Variants in KMT2C observed in about 807,000 individuals in gnomAD.
The protein encoded by KMT2C is histone-lysine N-methyltransferase 2C.
Under a neutral mutation model 507.9 loss-of-function variants are expected in KMT2C, and 88 were observed. The ratio of observed to expected loss-of-function variants is 0.17; its 90% CI spans 0.15 to 0.21. The LOEUF is 0.21. Ranked by LOEUF, KMT2C falls within the 10% of genes least tolerant of loss-of-function variation. The probability of loss-of-function intolerance (pLI) is 1.00; values close to 1 mark genes in which losing one functional copy is unlikely to be tolerated. For missense variants in KMT2C, 4,954 were observed against 5,957.8 expected (o/e 0.83, Z 5.55); for synonymous variants, 2,049 against 2,080.8 (o/e 0.98, Z 0.42).
intron 31 of KMT2C, among the ~76,000 whole-genome samples, chr7:152,190,704 A>G (rs1270141376): frequency 3.3e-5 from 5 of 152,128 alleles, no homozygotes; most frequent in African/African-American, 1.2e-4. Flanking sequence ...CTCTATCTCA[A>G]TCTTGAAAAT....
chr7:152,209,969 G>A (rs538093775), intron 23 of KMT2C, among the ~76,000 whole-genome samples: 1 of 152,082 alleles, frequency 6.6e-6, no homozygotes, highest in Non-Finnish European at 1.5e-5. Context: ...CTGCTTCCTA[G>A]GTTTACACAC....
At position 152,434,502 on chromosome 7, in the gene KMT2C, A is replaced by C. The variant is rs538587662; in HGVS notation, c.161+1124T>G. ...ACTATTACTAAGTGAATGCACCCGA[A>C]CCAAAGAAACAGCCTATCCATAAAC... On this transcript the variant is annotated intron_variant, in intron 1 of 58. Transcript: ENST00000262189. 2.2e-4 allele frequency among the ~76,000 whole-genome samples: 34 copies of C among 152,270 alleles called. No homozygotes were observed. The South Asian group carries it at 7.0e-3, about 32-fold the overall frequency.
At chr7:152,153,335 G>A (rs1319177592) in intron 48 of KMT2C, among the ~76,000 whole-genome samples, 2 of 152,136 alleles carry the variant, frequency 1.3e-5, no homozygotes, top group Non-Finnish European at 2.9e-5. Flanking sequence ...TCTTGCTACT[G>A]CTGTATTTTG....
At position 152,296,996 on chromosome 7, in the gene KMT2C, A is replaced by AG. The variant is rs1491182034; in HGVS notation, c.849+12969_849+12970insC. On this transcript the variant is annotated intron_variant, in intron 6 of 58. Transcript: ENST00000262189. ...CACCACTAAAAAGAAAGAAAGAAAG[A>AG]AAAAGAAAGAAAGAAAGAAAGAAAG... is the stretch of plus-strand genomic sequence containing the variant. 6.4e-3 allele frequency among the ~76,000 whole-genome samples: 446 copies of AG among 69,354 alleles called. 3 individuals are homozygous for AG. The highest frequency in any genetic ancestry group is 0.021 in the African/African-American group (429 of 20,392). The allele number at this position is 69,354 out of a possible 152,430, so 45.5% of individuals were successfully genotyped here. A position where few individuals can be genotyped will look rare whatever the true frequency, so the allele number is the denominator to read the frequency against.
rs371837086 is a variant in KMT2C, at chr7:152,162,832, T to G, written c.10745A>C (p.Tyr3582Ser). ...AATGAGCGATTGGGTTGATCCCGGA[T>G]AACTGTGTCCATGGGTTATAGTAGA... ...QDSTITHGHS[Y>S]PGSTQSLIQL... The change falls in exon 43 of 59, where the codon TAT becomes TCT. Residue 3582 changes from tyrosine to serine, a missense_variant. Coordinates refer to ENST00000262189, the MANE Select transcript of KMT2C (RefSeq NM_170606.3). The G allele has an allele frequency of 3.7e-6, 6 of 1,614,100 alleles. No individual in the cohort carries two copies. In the African/African-American group the frequency reaches 8.0e-5, roughly 22 times the overall value.
chr7:152,359,377 T>C (rs1354754217), intron 1 of KMT2C, among the ~76,000 whole-genome samples: 2 of 149,832 alleles, frequency 1.3e-5, no homozygotes, highest in Non-Finnish European at 3.0e-5. Context: ...TAATAACACA[T>C]AAGAGCAACA....
At chr7:152,195,534 G>C (rs2093936531) in intron 28 of KMT2C, 1 of 985,020 alleles carries the variant, frequency 1.0e-6, no homozygotes, top group Non-Finnish European at 1.2e-6. Context: ...AATGGAAAAG[G>C]TGAGCTCTCA....
intron 9 of KMT2C, among the ~76,000 whole-genome samples, chr7:152,253,514 C>CAAAAAAAAAAAAAAAAAAAAAA (rs71198770): frequency 2.5e-5 from 1 of 39,514 alleles, no homozygotes; most frequent in African/African-American, 7.8e-5. Context: ...TCTTTCTCTA[C>CAAAAAAAAAAAAAAAAAAAAAA]AAAAAAAAAA....
At chr7:152,313,598 A>T (rs1378085943) in intron 4 of KMT2C, among the ~76,000 whole-genome samples, 1 of 151,584 alleles carries the variant, frequency 6.6e-6, no homozygotes, top group South Asian at 2.1e-4. Context: ...GAGCAAAGAC[A>T]TTTTCAAAAC....
intron 9 of KMT2C, among the ~76,000 whole-genome samples, chr7:152,255,157 A>ATATATATATATATATATATG (rs767823858): frequency 1.6e-5 from 2 of 128,376 alleles, no homozygotes; most frequent in Non-Finnish European, 1.6e-5. Flanking sequence ...ATATATATAT[A>ATATATATATATATATATATG]TGTGTGTGTG....
At chr7:152,137,777 G>T (rs565412754) in intron 58 of KMT2C, 2 of 152,334 alleles carry the variant, frequency 1.3e-5, no homozygotes, top group South Asian at 4.1e-4. Context: ...AAGTAGGAAG[G>T]AGGCAGGTGG....
intron 2 of KMT2C, among the ~76,000 whole-genome samples, chr7:152,338,630 A>C (rs1377919078): frequency 6.6e-6 from 1 of 152,156 alleles, no homozygotes; most frequent in Non-Finnish European, 1.5e-5. Flanking sequence ...TCTTCATTCA[A>C]AAGATAAGGA....
At chr7:152,409,608 G>A (rs959156544) in intron 1 of KMT2C, among the ~76,000 whole-genome samples, 2 of 151,342 alleles carry the variant, frequency 1.3e-5, no homozygotes, top group African/African-American at 4.9e-5. Context: ...GCGGGCGCCT[G>A]TAGTCCCAGC....
At position 152,252,599 on chromosome 7, in the gene KMT2C, C is replaced by A. The variant is rs1588609413; in HGVS notation, c.1416G>T (p.Lys472Asn). 1 of 1,613,620 alleles carries A rather than the reference C, an allele frequency of 6.2e-7. No homozygotes were observed. The highest frequency in any genetic ancestry group is 8.5e-7 in the Non-Finnish European group (1 of 1,179,686). ...QQDNLCPFCG[K>N]CYHPELQKDM... ...CTTTCTGCAATTCTGGATGATAACA[C>A]TTCCCACAGAAGGGACATAAGTTAT... Residue 472 changes from lysine (K) to asparagine (N), a missense_variant, in exon 10 of 59, where the codon AAG becomes AAT. Around this residue, in one of 29 missense-constraint regions of KMT2C, gnomAD observed 376 missense variants for 352.4 expected, o/e 1.07. Transcript: ENST00000262189.
At chr7:152,378,308 C>T (rs2097344561) in intron 1 of KMT2C, among the ~76,000 whole-genome samples, 1 of 152,136 alleles carries the variant, frequency 6.6e-6, no homozygotes, top group Non-Finnish European at 1.5e-5. Context: ...TCATTGTTGT[C>T]TTATTGTAAG....
At chr7:152,319,188 A>AC (rs1446236404) in intron 3 of KMT2C, among the ~76,000 whole-genome samples, 2 of 152,194 alleles carry the variant, frequency 1.3e-5, no homozygotes, top group Non-Finnish European at 2.9e-5. Flanking sequence ...GAGGCAAGAG[A>AC]CCAAGGGCAC....
intron 9 of KMT2C, among the ~76,000 whole-genome samples, chr7:152,260,524 T>C (rs1434238706): frequency 6.6e-6 from 1 of 152,072 alleles, no homozygotes; most frequent in Non-Finnish European, 1.5e-5. Flanking sequence ...GGATGGGGAC[T>C]CACACATCTC....
intron 1 of KMT2C, among the ~76,000 whole-genome samples, chr7:152,411,385 C>T (rs1379246133): frequency 6.6e-6 from 1 of 151,984 alleles, no homozygotes; most frequent in Non-Finnish European, 1.5e-5. Context: ...CATGGCAGGG[C>T]CCACACAAGA....
At position 152,290,282 on chromosome 7, in the gene KMT2C, A is replaced by T. The variant is rs1365958309; in HGVS notation, c.850-16415T>A. 6.1e-5 allele frequency among the ~76,000 whole-genome samples: 2 copies of T among 32,908 alleles called. 1 individual carries two copies. Among genetic ancestry groups the T allele is most frequent in the African/African-American group, 2.7e-4 (2 of 7,378 alleles). The allele number at this position is 32,908 out of a possible 152,430, so 21.6% of individuals were successfully genotyped here. A position where few individuals can be genotyped will look rare whatever the true frequency, so the allele number is the denominator to read the frequency against. On this transcript the variant is annotated intron_variant, in intron 6 of 58. Transcript: ENST00000262189. ...TGTATATATATATATATATATATATATATATATATATATTTTTTTTTTTTT... is the reference window on the plus strand; with the variant it reads ...TGTATATATATATATATATATATATTTATATATATATATTTTTTTTTTTTT...
Sources: gnomAD v4.1 joint callset for allele counts (sites outside exome capture counted in the v4.1 genomes callset) on GRCh38, gnomAD v4.1.1 for gene constraint, gnomAD v4.1.1 regional missense constraint, MANE v1.5 for transcripts, NCBI Gene and HGNC (gene_info 2026-07-23, HGNC 2026-07-21) for gene names.